Variants in GDA observed in about 807,000 individuals in gnomAD.
GDA encodes guanine deaminase.
In GDA, 18 loss-of-function variants were observed where a neutral mutation model predicts 59.6. The observed-to-expected ratio is 0.30, with a 90% CI of 0.21 to 0.45. The LOEUF (loss-of-function observed/expected upper bound fraction) is 0.45. Among genes scored for constraint, GDA ranks in the 20% least tolerant of loss-of-function variants. The probability of loss-of-function intolerance (pLI) is 1.00; values close to 1 mark genes in which losing one functional copy is unlikely to be tolerated. For missense variants in GDA, 427 were observed against 552.3 expected (o/e 0.77, Z 2.27); for synonymous variants, 201 against 201.1 (o/e 1.00, Z 0.00).
At chr9:72,259,051 G>C (rs1214160198), downstream of GDA, among the ~76,000 whole-genome samples, 3 of 148,120 alleles carry the variant, frequency 2.0e-5, no homozygotes, top group Non-Finnish European at 4.5e-5. Flanking sequence ...TTGAGACAGA[G>C]TCTCACTCTG....
chr9:72,180,354 C>G (rs1228763956), intron 1 of GDA, among the ~76,000 whole-genome samples: 1 of 151,832 alleles, frequency 6.6e-6, no homozygotes, highest in Non-Finnish European at 1.5e-5. Context: ...AAGAGTCCCT[C>G]TCAAAAAAAA....
At chr9:72,237,197 T>G (rs540058780) in intron 10 of GDA, among the ~76,000 whole-genome samples, 231 of 152,220 alleles carry the variant, frequency 1.5e-3, no homozygotes, top group African/African-American at 5.2e-3. Flanking sequence ...TTCTAGGCCC[T>G]TTTCCCTTCC....
intron 10 of GDA, among the ~76,000 whole-genome samples, chr9:72,235,327 T>C (rs1410428695): frequency 6.6e-6 from 1 of 152,222 alleles, no homozygotes; most frequent in Non-Finnish European, 1.5e-5. Flanking sequence ...GGTTTTATGC[T>C]TTCCTTATGT....
chr9:72,179,057 T>TCCCTAAGAG, intron 1 of GDA, among the ~76,000 whole-genome samples: 1 of 152,306 alleles, frequency 6.6e-6, no homozygotes, highest in South Asian at 2.1e-4. Flanking sequence ...TTTCCAGAGT[T>TCCCTAAGAG]CTCTAAGAGC....
At chr9:72,228,317 C>G in intron 9 of GDA, 1 of 361,370 alleles carries the variant, frequency 2.8e-6, no homozygotes, top group Non-Finnish European at 5.1e-6. Context: ...AAAAAATTTA[C>G]AGTGAAAGTA....
intron 10 of GDA, 97 bp downstream of exon 10, chr9:72,231,278 A>G: frequency 1.3e-6 from 1 of 762,232 alleles, no homozygotes; most frequent in Non-Finnish European, 2.3e-6. Context: ...GTTTAAAAAA[A>G]AAAAAAATTA....
chr9:72,207,003 AT>A (rs1339219307), intron 3 of GDA, among the ~76,000 whole-genome samples: 2 of 151,898 alleles, frequency 1.3e-5, no homozygotes, highest in Admixed American at 6.6e-5. Context: ...GAAATTATTT[AT>A]CTATCAGCAT....
chr9:72,204,721 A>T (rs1834457887), intron 3 of GDA, among the ~76,000 whole-genome samples: 1 of 152,212 alleles, frequency 6.6e-6, no homozygotes, highest in African/African-American at 2.4e-5. Context: ...TTATGTTTAG[A>T]GAGGTAGAGT....
At chr9:72,208,636 A>G (rs1835009321) in intron 3 of GDA, among the ~76,000 whole-genome samples, 1 of 152,214 alleles carries the variant, frequency 6.6e-6, no homozygotes. Flanking sequence ...TTACTAAAAG[A>G]CAGTTTCTAA....
chr9:72,222,200 T>C (rs1229120016), intron 6 of GDA, among the ~76,000 whole-genome samples: 10 of 152,236 alleles, frequency 6.6e-5, no homozygotes, highest in Non-Finnish European at 5.9e-5. Context: ...TTTCTTTTTC[T>C]CCACAACCTC....
intron 1 of GDA, among the ~76,000 whole-genome samples, chr9:72,177,270 G>A (rs1187769187): frequency 6.6e-6 from 1 of 151,630 alleles, no homozygotes. Context: ...CTAACTTTTT[G>A]TATTTTTAGT....
chr9:72,121,849 A>G (rs940735308), intron 1 of GDA, among the ~76,000 whole-genome samples: 1 of 152,192 alleles, frequency 6.6e-6, no homozygotes, highest in African/African-American at 2.4e-5. Context: ...TTCTAACGTC[A>G]AAGAATCTGA....
intron 11 of GDA, among the ~76,000 whole-genome samples, chr9:72,241,548 G>A (rs1430212012): frequency 6.6e-5 from 10 of 152,026 alleles, no homozygotes; most frequent in Non-Finnish European, 1.5e-5. Flanking sequence ...TGTTTTAATG[G>A]GTATTACATT....
chr9:72,160,087 C>T (rs1223246239), intron 1 of GDA, among the ~76,000 whole-genome samples: 1 of 151,978 alleles, frequency 6.6e-6, no homozygotes, highest in Non-Finnish European at 1.5e-5. Context: ...ATCATGAGGT[C>T]AGGAGATCGA....
At chr9:72,198,191 T>G (rs1833434398) in intron 2 of GDA, among the ~76,000 whole-genome samples, 1 of 150,202 alleles carries the variant, frequency 6.7e-6, no homozygotes, top group Admixed American at 6.6e-5. Flanking sequence ...GGTCAGGAGT[T>G]CAAGACCAGC....
chr9:72,228,332 A>G (rs1300566052), intron 9 of GDA: 1 of 328,098 alleles, frequency 3.0e-6, no homozygotes, highest in African/African-American at 2.2e-5. Context: ...AAAGTACTGA[A>G]AGAACCCATA....
At chr9:72,240,707 A>C (rs150573374) in intron 10 of GDA, among the ~76,000 whole-genome samples, 1 of 152,294 alleles carries the variant, frequency 6.6e-6, no homozygotes, top group Non-Finnish European at 1.5e-5. Context: ...GAAGAAGGCT[A>C]TTTGAGGATG....
At chr9:72,166,783 C>T (rs1417770152) in intron 1 of GDA, among the ~76,000 whole-genome samples, 7 of 152,098 alleles carry the variant, frequency 4.6e-5, no homozygotes, top group East Asian at 3.9e-4. Context: ...TCTCTTTTCT[C>T]GCCTATATTT....
At chr9:72,116,974 G>A (rs1392127077) in intron 1 of GDA, among the ~76,000 whole-genome samples, 1 of 145,456 alleles carries the variant, frequency 6.9e-6, no homozygotes, top group East Asian at 2.0e-4. Context: ...CCCATCCTGT[G>A]TCCAAGTGTT....
Sources: gnomAD v4.1 joint callset for allele counts (sites outside exome capture counted in the v4.1 genomes callset) on GRCh38, gnomAD v4.1.1 for gene constraint, MANE v1.5 for transcripts, NCBI Gene and HGNC (gene_info 2026-07-23, HGNC 2026-07-21) for gene names.